The following RAD51B variants were observed in gnomAD, a reference collection of about 807,000 sequenced individuals.
The protein encoded by RAD51B is RAD51 paralog B, also known as DNA repair protein RAD51 homolog 2.
RAD51B carries 38 observed loss-of-function variants against 42.2 expected under a neutral mutation model. The observed-to-expected ratio is 0.90, with a 90% CI of 0.70 to 1.18. The LOEUF (loss-of-function observed/expected upper bound fraction) is 1.18. Among genes scored for constraint, RAD51B ranks in the 50% most tolerant of loss-of-function variants. The probability of loss-of-function intolerance (pLI) is 0.00; values close to 1 mark genes in which losing one functional copy is unlikely to be tolerated. For synonymous variants in RAD51B, 154 were observed against 145.2 expected (o/e 1.06, Z -0.43); for missense variants, 373 against 400.7 (o/e 0.93, Z 0.59).
intron 8 of RAD51B, among the ~76,000 whole-genome samples, chr14:68,321,382 C>G (rs1185685117): frequency 1.3e-5 from 2 of 152,188 alleles, no homozygotes; most frequent in East Asian, 3.9e-4. Context: ...AATTTATACA[C>G]TCGCCAAGCT....
At chr14:67,955,680 A>G (rs1486822926) in intron 7 of RAD51B, among the ~76,000 whole-genome samples, 4 of 152,152 alleles carry the variant, frequency 2.6e-5, no homozygotes, top group African/African-American at 9.7e-5. Context: ...AAAATAAAAC[A>G]TATTAGATTC....
intron 8 of RAD51B, among the ~76,000 whole-genome samples, chr14:68,391,468 A>T (rs2083756982): frequency 6.6e-6 from 1 of 152,076 alleles, no homozygotes; most frequent in Non-Finnish European, 1.5e-5. Flanking sequence ...ACCTTTGTAG[A>T]TTGTCACAGT....
chr14:68,665,082 G>A (rs1893005687), intron 11 of RAD51B, among the ~76,000 whole-genome samples: 1 of 152,232 alleles, frequency 6.6e-6, no homozygotes, highest in Non-Finnish European at 1.5e-5. Context: ...ACTCCCATGT[G>A]ACTCTTTGAC....
At position 68,338,842 on chromosome 14, in the gene RAD51B, A is replaced by G. The variant is rs1245931361; in HGVS notation, c.853+46862A>G. 4.5e-5 allele frequency: 27 copies of G among 605,898 alleles called. No homozygotes were observed. In the East Asian group the frequency reaches 1.0e-3, roughly 23 times the overall value. The allele number at this position is 605,898 out of a possible 1,614,324, so 37.5% of individuals were successfully genotyped here. ...CCCCAGTGACAGTGGATCTCATCGT[A>G]TCTGTCGTAGTTGGTCCTGATAGCT... is the stretch of plus-strand genomic sequence containing the variant. On this transcript the variant is annotated intron_variant, in intron 8 of 10. Coordinates refer to ENST00000471583, the MANE Select transcript of RAD51B (RefSeq NM_133510.4).
chr14:68,669,627 TACACACACACACAC>T (rs34821600), intron 11 of RAD51B, among the ~76,000 whole-genome samples: 2 of 147,916 alleles, frequency 1.4e-5, no homozygotes, highest in Admixed American at 6.7e-5. Flanking sequence ...ACCCGCCACT[TACACACACACACAC>T]ACACACACAC....
At chr14:67,885,593 T>C (rs1481100312) in intron 5 of RAD51B, 1 of 209,432 alleles carries the variant, frequency 4.8e-6, no homozygotes, top group Non-Finnish European at 9.4e-6. Context: ...AAAAAACATA[T>C]TTAATCCCAG....
intron 8 of RAD51B, among the ~76,000 whole-genome samples, chr14:68,315,490 C>T (rs1262995893): frequency 6.6e-6 from 1 of 152,124 alleles, no homozygotes; most frequent in Non-Finnish European, 1.5e-5. Context: ...ATTAGCAGCT[C>T]TCTAGGCCCA....
intron 7 of RAD51B, among the ~76,000 whole-genome samples, chr14:68,266,780 C>T (rs775335049): frequency 5.9e-5 from 9 of 152,186 alleles, no homozygotes; most frequent in Non-Finnish European, 1.2e-4. Flanking sequence ...CCTGGTGACT[C>T]TGATATCTCT....
chr14:68,314,633 C>A (rs2082021674), intron 8 of RAD51B, among the ~76,000 whole-genome samples: 1 of 152,122 alleles, frequency 6.6e-6, no homozygotes. Context: ...CATTTCACAC[C>A]AAAGTGGATG....
At chr14:68,447,321 A>T (rs1196787085) in intron 9 of RAD51B, among the ~76,000 whole-genome samples, 1 of 152,230 alleles carries the variant, frequency 6.6e-6, no homozygotes, top group Non-Finnish European at 1.5e-5. Flanking sequence ...TAAGTTAAAG[A>T]GTTTATTCCC....
At chr14:68,025,178 A>G (rs1365156787) in intron 7 of RAD51B, among the ~76,000 whole-genome samples, 2 of 152,156 alleles carry the variant, frequency 1.3e-5, no homozygotes, top group African/African-American at 4.8e-5. Flanking sequence ...CTAGCCTTGC[A>G]TCTCAGGAAT....
intron 7 of RAD51B, among the ~76,000 whole-genome samples, chr14:68,038,406 T>C (rs2076166890): frequency 6.6e-6 from 1 of 152,192 alleles, no homozygotes; most frequent in South Asian, 2.1e-4. Flanking sequence ...ATATCCTTTT[T>C]TTTTTTCTTA....
chr14:68,092,999 CGTTTAT>C (rs1418237985), intron 7 of RAD51B, among the ~76,000 whole-genome samples: 54 of 149,566 alleles, frequency 3.6e-4, no homozygotes, highest in Non-Finnish European at 7.1e-4. Flanking sequence ...TGCTGGATTA[CGTTTAT>C]TGATTTTCGT....
chr14:68,147,196 C>T (rs148150030), intron 7 of RAD51B, among the ~76,000 whole-genome samples: 48 of 152,244 alleles, frequency 3.2e-4, no homozygotes, highest in East Asian at 1.2e-3. Flanking sequence ...TATAAACCTA[C>T]GAGAAATAGT....
At chr14:68,092,803 T>G (rs943515091) in intron 7 of RAD51B, among the ~76,000 whole-genome samples, 1 of 152,154 alleles carries the variant, frequency 6.6e-6, no homozygotes, top group Admixed American at 6.5e-5. Flanking sequence ...TGCTTCCAGT[T>G]TTTGTCCGTT....
chr14:68,247,187 G>T (rs1432531843), intron 7 of RAD51B, among the ~76,000 whole-genome samples: 2 of 151,782 alleles, frequency 1.3e-5, no homozygotes, highest in Non-Finnish European at 2.9e-5. Flanking sequence ...GCACTGTATG[G>T]TATCCTTTTG....
chr14:68,097,430 T>C (rs529833534), intron 7 of RAD51B, among the ~76,000 whole-genome samples: 1 of 152,304 alleles, frequency 6.6e-6, no homozygotes, highest in South Asian at 2.1e-4. Context: ...AGTAGATGTC[T>C]CTAACTGGAT....
At chr14:67,958,838 C>T (rs1349536614) in intron 7 of RAD51B, among the ~76,000 whole-genome samples, 4 of 152,224 alleles carry the variant, frequency 2.6e-5, no homozygotes, top group East Asian at 1.9e-4. Flanking sequence ...TTCATATGGA[C>T]ACAACTATTA....
At chr14:68,261,221 G>A (rs1209141144) in intron 7 of RAD51B, among the ~76,000 whole-genome samples, 2 of 152,220 alleles carry the variant, frequency 1.3e-5, no homozygotes, top group East Asian at 3.8e-4. Flanking sequence ...GTTTTTACCG[G>A]CTTTCTCTTT....
Sources: gnomAD v4.1 joint callset for allele counts (sites outside exome capture counted in the v4.1 genomes callset) on GRCh38, gnomAD v4.1.1 for gene constraint, MANE v1.5 for transcripts, NCBI Gene and HGNC (gene_info 2026-07-23, HGNC 2026-07-21) for gene names.